The following UGT2B28 variants were observed in gnomAD, a reference collection of about 807,000 sequenced individuals.
UGT2B28 encodes the protein UDP glucuronosyltransferase family 2 member B28.
UGT2B28 carries 45 observed loss-of-function variants against 43.6 expected under a neutral mutation model. That is an observed-to-expected ratio of 1.03 (90% confidence interval 0.81 to 1.32). UGT2B28 has a LOEUF of 1.32. Ranked by LOEUF, UGT2B28 falls within the 40% of genes most tolerant of loss-of-function variation. UGT2B28 has a pLI of 0.00. For synonymous variants in UGT2B28, 204 were observed against 208.1 expected (o/e 0.98, Z 0.17); for missense variants, 649 against 625.5 (o/e 1.04, Z -0.40).
rs1381507936 is a variant in UGT2B28, at chr4:69,292,635, A to G, written c.1310+1824A>G. ...AATCTAAAATGATATACAAACACAT[A>G]TATACATATACAATACACATATATG... On this transcript the variant is annotated intron_variant, in intron 5 of 5. Coordinates refer to ENST00000335568, the MANE Select transcript of UGT2B28 (RefSeq NM_053039.2). 1.4e-5 allele frequency among the ~76,000 whole-genome samples: 2 copies of G among 140,300 alleles called. 1 individual carries two copies. The highest frequency in any genetic ancestry group is 5.6e-5 in the African/African-American group (2 of 36,036). 92.0% of individuals were successfully genotyped at this position (140,300 alleles called of 152,430 possible).
chr4:69,293,750 C>A (rs1223987917), intron 5 of UGT2B28, among the ~76,000 whole-genome samples: 2 of 140,376 alleles, frequency 1.4e-5, no homozygotes, highest in East Asian at 4.1e-4. Flanking sequence ...TAGAAAAGAG[C>A]TTGCCAGTGT....
Position 69,280,806 on chromosome 4 carries a change from A to G in UGT2B28, c.306A>G (p.Lys102=). 6.4e-7 allele frequency: 1 copy of G among 1,568,068 alleles called. No individual in the cohort carries two copies. Among genetic ancestry groups the G allele is most frequent in the Non-Finnish European group, 8.6e-7 (1 of 1,159,146 alleles). Residue 102 remains lysine (K), a synonymous_variant, in exon 1 of 6, where the codon AAA becomes AAG. Transcript: ENST00000335568. The stretch of plus-strand genomic sequence containing the variant: ...TTAAGAGATGGTCAGACATTCAAAA[A>G]GATAGCTTTTGGTTATATTTTTCAC... ...QQVKRWSDIQ[K]DSFWLYFSQE... is the part of the protein sequence containing the mutation.
At chr4:69,283,265 T>A (rs1310457945) in intron 2 of UGT2B28, among the ~76,000 whole-genome samples, 3 of 138,920 alleles carry the variant, frequency 2.2e-5, no homozygotes, top group Non-Finnish European at 4.6e-5. Flanking sequence ...AGTTCTCAAG[T>A]CCTCAGGTTT....
chr4:69,293,354 T>C (rs902004210), intron 5 of UGT2B28, among the ~76,000 whole-genome samples: 9 of 140,706 alleles, frequency 6.4e-5, no homozygotes, highest in Non-Finnish European at 1.2e-4. Flanking sequence ...CACCTCAAGA[T>C]AATGTTCAAG....
chr4:69,284,457 T>G (rs1723711043), intron 2 of UGT2B28, among the ~76,000 whole-genome samples: 1 of 140,488 alleles, frequency 7.1e-6, no homozygotes, highest in Non-Finnish European at 1.5e-5. Flanking sequence ...AAACTCAGTA[T>G]CTATGTTTAA....
intron 2 of UGT2B28, among the ~76,000 whole-genome samples, chr4:69,283,833 C>A (rs1723692660): frequency 7.1e-6 from 1 of 140,082 alleles, no homozygotes; most frequent in Non-Finnish European, 1.5e-5. Context: ...ATGACAGATA[C>A]CCTGTGGACT....
Position 69,290,813 on chromosome 4 carries a change from T to C in UGT2B28, c.1310+2T>C. 1 of 1,557,888 alleles carries C rather than the reference T, an allele frequency of 6.4e-7. No individual in the cohort carries two copies. Among genetic ancestry groups the C allele is most frequent in the Non-Finnish European group, 8.7e-7 (1 of 1,154,004 alleles). ...GAAGACAGTAATTAATGATCCTTCG[T>C]GAGTAGAACAGTATTTTTCACTAGG... On this transcript the variant is annotated splice_donor_variant, in intron 5 of 5. Coordinates refer to ENST00000335568, the MANE Select transcript of UGT2B28 (RefSeq NM_053039.2). LOFTEE classifies it high-confidence loss of function.
chr4:69,290,918 T>A lies in UGT2B28; in HGVS notation c.1310+107T>A, dbSNP rs1723938209. ...TATAAGAGAGTAATCTTGAAAGAAT[T>A]TAAATGATTTAACCAATCTGAAATC... On this transcript the variant is annotated intron_variant, in intron 5 of 5. Transcript: ENST00000335568. 1.5e-6 allele frequency: 2 copies of A among 1,319,582 alleles called. 1 individual carries two copies. The highest frequency in any genetic ancestry group is 3.6e-5 in the South Asian group (2 of 54,836). The allele number at this position is 1,319,582 out of a possible 1,614,324, so 81.7% of individuals were successfully genotyped here. A position where few individuals can be genotyped will look rare whatever the true frequency, so the allele number is the denominator to read the frequency against.
In UGT2B28 at chr4:69,280,959, T is replaced by C. The variant is rs2109680702; in HGVS notation, c.459T>C (p.Phe153=). ...SRFDIIFADA[F]FPCGELLAAL... ...TTGACATCATTTTTGCAGATGCTTT[T>C]TTTCCTTGTGGTGAGCTGCTGGCTG... Residue 153 remains phenylalanine, a synonymous_variant, in exon 1 of 6, where the codon TTT becomes TTC. Coordinates refer to ENST00000335568, the MANE Select transcript of UGT2B28 (RefSeq NM_053039.2). 1.3e-6 allele frequency: 2 copies of C among 1,560,400 alleles called. No homozygotes were observed. Among genetic ancestry groups the C allele is most frequent in the South Asian group, 2.4e-5 (2 of 84,336 alleles).
chr4:69,282,933 G>A lies in UGT2B28; in HGVS notation c.870+271G>A, dbSNP rs549716391. Among the ~76,000 whole-genome samples, 19 of 140,378 alleles carry A rather than the reference G, an allele frequency of 1.4e-4. 3 individuals carry two copies. Among genetic ancestry groups the A allele is most frequent in the Non-Finnish European group, 2.0e-4 (13 of 65,600 alleles). The allele number at this position is 140,378 out of a possible 152,430, so 92.1% of individuals were successfully genotyped here. ...TTATGCAACACCTAAGGAGGTATTT[G>A]TCATTCATTCAAAGAATATTTATAA... On this transcript the variant is annotated intron_variant, in intron 2 of 5. Transcript: ENST00000335568.
chr4:69,290,868 T>C (rs1385746372), intron 5 of UGT2B28, 57 bp downstream of exon 5: 2 of 1,501,694 alleles, frequency 1.3e-6, no homozygotes, highest in East Asian at 4.7e-5. Context: ...CTCTTTTCAA[T>C]AGTGAGCATG....
rs1424922507 is a variant in UGT2B28, at chr4:69,294,347, G to A, written c.1311-183G>A. Among the ~76,000 whole-genome samples the A allele has an allele frequency of 1.4e-5, 2 of 139,004 alleles. 1 individual carries two copies. The highest frequency in any genetic ancestry group is 3.1e-5 in the Non-Finnish European group (2 of 65,488). The allele number at this position is 139,004 out of a possible 152,430, so 91.2% of individuals were successfully genotyped here. ...TTCTGCTTTAAAAATGTTTGTCAAT[G>A]AGAAAAGTCCAATTTAAAAGCCCAA... is the stretch of plus-strand genomic sequence containing the variant. On this transcript the variant is annotated intron_variant, in intron 5 of 5. Coordinates refer to ENST00000335568, the MANE Select transcript of UGT2B28 (RefSeq NM_053039.2).
chr4:69,284,994 A>T lies in UGT2B28; in HGVS notation c.871-1758A>T, dbSNP rs1466060854. Among the ~76,000 whole-genome samples the T allele has an allele frequency of 6.4e-5, 9 of 140,212 alleles. 1 individual carries two copies. The Admixed American group carries it at 6.5e-4, about 10-fold the overall frequency. The allele number at this position is 140,212 out of a possible 152,430, so 92.0% of individuals were successfully genotyped here. ...CAAAATTAACATTAGAATTAATCCG[A>T]CATCTTACATGAAAGAATGATTAAA... is the stretch of plus-strand genomic sequence containing the variant. On this transcript the variant is annotated intron_variant, in intron 2 of 5. Coordinates refer to ENST00000335568, the MANE Select transcript of UGT2B28 (RefSeq NM_053039.2).
rs185824218 is a variant in UGT2B28, at chr4:69,285,799, C to T, written c.871-953C>T. 2.1e-4 allele frequency among the ~76,000 whole-genome samples: 29 copies of T among 136,404 alleles called. 1 individual carries two copies. The South Asian group carries it at 4.7e-3, about 22-fold the overall frequency. The allele number at this position is 136,404 out of a possible 152,430, so 89.5% of individuals were successfully genotyped here. ...TGCAGCCAAGCACATCTTCACCAGG[C>T]GTGTAATGTGGTGTGCGTGAGCTAC... is the stretch of plus-strand genomic sequence containing the variant. On this transcript the variant is annotated intron_variant, in intron 2 of 5. Coordinates refer to ENST00000335568, the MANE Select transcript of UGT2B28 (RefSeq NM_053039.2).
Position 69,286,002 on chromosome 4 carries a change from C to A in UGT2B28, c.871-750C>A, listed in dbSNP as rs979478246. 2.1e-5 allele frequency among the ~76,000 whole-genome samples: 3 copies of A among 140,964 alleles called. 1 individual carries two copies. Among genetic ancestry groups the A allele is most frequent in the African/African-American group, 8.3e-5 (3 of 36,080 alleles). The allele number at this position is 140,964 out of a possible 152,430, so 92.5% of individuals were successfully genotyped here. ...AATAGGTGCTCCACCTAAACAATAA[C>A]CTGAAAGGTACAATTATTCAACAAC... On this transcript the variant is annotated intron_variant, in intron 2 of 5. Coordinates refer to ENST00000335568, the MANE Select transcript of UGT2B28 (RefSeq NM_053039.2).
In UGT2B28 at chr4:69,283,362, G is replaced by A. The variant is rs1324136617; in HGVS notation, c.870+700G>A. On this transcript the variant is annotated intron_variant, in intron 2 of 5. Coordinates refer to ENST00000335568, the MANE Select transcript of UGT2B28 (RefSeq NM_053039.2). The stretch of plus-strand genomic sequence containing the variant: ...TATTAGGAGTGGAAATATTTATTAA[G>A]AACATTGAAAAACTACTAAAAAGAG... 1.4e-5 allele frequency among the ~76,000 whole-genome samples: 2 copies of A among 139,668 alleles called. 1 individual carries two copies. The highest frequency in any genetic ancestry group is 3.1e-5 in the Non-Finnish European group (2 of 65,424). 91.6% of individuals were successfully genotyped at this position (139,668 alleles called of 152,430 possible). A position where few individuals can be genotyped will look rare whatever the true frequency, so the allele number is the denominator to read the frequency against.
rs370534015 is a variant in UGT2B28, at chr4:69,292,120, T to C, written c.1310+1309T>C. Among the ~76,000 whole-genome samples, 2 of 141,032 alleles carry C rather than the reference T, an allele frequency of 1.4e-5. 1 individual carries two copies. Among genetic ancestry groups the C allele is most frequent in the Admixed American group, 1.4e-4 (2 of 14,076 alleles). The allele number at this position is 141,032 out of a possible 152,430, so 92.5% of individuals were successfully genotyped here. A position where few individuals can be genotyped will look rare whatever the true frequency, so the allele number is the denominator to read the frequency against. On this transcript the variant is annotated intron_variant, in intron 5 of 5. Coordinates refer to ENST00000335568, the MANE Select transcript of UGT2B28 (RefSeq NM_053039.2). ...TATATATTATGGGTCAAATCAGATA[T>C]ATAATTTTTAAATATTTTGTCCCAT... is the stretch of plus-strand genomic sequence containing the variant.
Position 69,283,968 on chromosome 4 carries a change from T to C in UGT2B28, c.870+1306T>C, listed in dbSNP as rs895138098. 2.8e-5 allele frequency among the ~76,000 whole-genome samples: 4 copies of C among 141,080 alleles called. 1 individual carries two copies. The highest frequency in any genetic ancestry group is 4.1e-4 in the East Asian group (2 of 4,920). The allele number at this position is 141,080 out of a possible 152,430, so 92.6% of individuals were successfully genotyped here. A position where few individuals can be genotyped will look rare whatever the true frequency, so the allele number is the denominator to read the frequency against. On this transcript the variant is annotated intron_variant, in intron 2 of 5. Transcript: ENST00000335568. Reference sequence around the variant, plus strand: ...TAAAACACTTCCTCAACAATACAAATGTGTGCCTTAAATATGTGCAGACAA... The same window carrying C: ...TAAAACACTTCCTCAACAATACAAACGTGTGCCTTAAATATGTGCAGACAA...
intron 5 of UGT2B28, 62 bp from the exon 6 acceptor site, chr4:69,294,468 C>T: frequency 1.4e-6 from 2 of 1,385,602 alleles, no homozygotes; most frequent in Non-Finnish European, 9.5e-7. Flanking sequence ...CTTTCATAGA[C>T]TTGATACATA....
Sources: allele counts gnomAD v4.1 joint callset (sites outside exome capture counted in the v4.1 genomes callset), GRCh38; gene constraint gnomAD v4.1.1; transcripts MANE v1.5; gene names NCBI Gene and HGNC (gene_info 2026-07-23, HGNC 2026-07-21).